The following AK5 variants were observed in gnomAD, a reference collection of about 807,000 sequenced individuals.
The protein encoded by AK5 is adenylate kinase isoenzyme 5.
AK5 carries 27 observed loss-of-function variants against 69.5 expected under a neutral mutation model. The ratio of observed to expected loss-of-function variants is 0.39; its 90% CI spans 0.29 to 0.54. The LOEUF (loss-of-function observed/expected upper bound fraction) is 0.54, where lower values mean the gene tolerates loss of function less well. Ranked by LOEUF, AK5 falls within the 20% of genes least tolerant of loss-of-function variation. AK5 has a pLI of 0.71. For synonymous variants in AK5, 260 were observed against 244.4 expected, an observed-to-expected ratio of 1.06 and a Z score of -0.60; for missense variants, 531 against 700.4, an observed-to-expected ratio of 0.76 and a Z score of 2.73.
At chr1:77,556,744 A>G (rs1002068836) in intron 13 of AK5, among the ~76,000 whole-genome samples, 4 of 152,206 alleles carry the variant, frequency 2.6e-5, no homozygotes, top group Non-Finnish European at 5.9e-5. Context: ...TAGGTAGACA[A>G]GAGTCTCAAA....
At chr1:77,291,686 C>T (rs1429885068) in intron 2 of AK5, among the ~76,000 whole-genome samples, 1 of 152,198 alleles carries the variant, frequency 6.6e-6, no homozygotes, top group Non-Finnish European at 1.5e-5. Flanking sequence ...TTATTGGACA[C>T]TGACCATCTG....
At chr1:77,367,579 A>ATATATATAAT (rs71075732) in intron 6 of AK5, among the ~76,000 whole-genome samples, 1 of 53,364 alleles carries the variant, frequency 1.9e-5, no homozygotes, top group African/African-American at 1.1e-4. Context: ...ATATATATAT[A>ATATATATAAT]ATATATATGT....
chr1:77,456,615 T>A (rs1653501840), intron 8 of AK5, among the ~76,000 whole-genome samples: 1 of 152,192 alleles, frequency 6.6e-6, no homozygotes, highest in East Asian at 1.9e-4. Flanking sequence ...GTTCCAAGTA[T>A]GGAGACCAGC....
chr1:77,379,997 A>G (rs1366593177), intron 6 of AK5, among the ~76,000 whole-genome samples: 1 of 152,228 alleles, frequency 6.6e-6, no homozygotes, highest in Non-Finnish European at 1.5e-5. Context: ...CAAGGAACTC[A>G]TAATTATTAA....
intron 6 of AK5, chr1:77,371,335 A>G (rs987804692): frequency 3.9e-5 from 6 of 152,218 alleles, no homozygotes; most frequent in Admixed American, 3.3e-4. Context: ...TTCTCTATGC[A>G]AGAGGACGAA....
intron 6 of AK5, among the ~76,000 whole-genome samples, chr1:77,374,437 AAGAACCAAG>A (rs1647186595): frequency 1.0e-5 from 1 of 98,376 alleles, no homozygotes; most frequent in African/African-American, 3.5e-5. Context: ...TTTTTTTTTT[AAGAACCAAG>A]AGAAGGAAGC....
chr1:77,370,173 A>C (rs1019605494), intron 6 of AK5, among the ~76,000 whole-genome samples: 1 of 152,068 alleles, frequency 6.6e-6, no homozygotes, highest in Non-Finnish European at 1.5e-5. Flanking sequence ...TTCTGATCCC[A>C]CCCTGCTGGT....
rs560444686 is a variant in AK5 at position 77,345,898 on chromosome 1, A to G, written c.891+5330A>G. Reference sequence around the variant, plus strand: ...CCATGTATAACTTTGAGTCCCCCCAAACAGAACTACTACTAATAGCCTACT... The same window carrying G: ...CCATGTATAACTTTGAGTCCCCCCAGACAGAACTACTACTAATAGCCTACT... On this transcript the variant is annotated intron_variant, in intron 6 of 13. Transcript: ENST00000354567. 5 of 152,288 alleles carry G rather than the reference A, an allele frequency of 3.3e-5. No homozygotes were observed. In the East Asian group the frequency reaches 9.6e-4, roughly 29 times the overall value. 9.4% of individuals were successfully genotyped at this position (152,288 alleles called of 1,614,324 possible). A position where few individuals can be genotyped will look rare whatever the true frequency, so the allele number is the denominator to read the frequency against.
intron 13 of AK5, among the ~76,000 whole-genome samples, chr1:77,558,344 T>C (rs1198074546): frequency 6.6e-6 from 1 of 152,232 alleles, no homozygotes; most frequent in Non-Finnish European, 1.5e-5. Context: ...TATTGCTCCA[T>C]GTCCTCACCA....
intron 13 of AK5, among the ~76,000 whole-genome samples, chr1:77,549,251 T>C (rs1338681401): frequency 6.6e-6 from 1 of 152,242 alleles, no homozygotes; most frequent in Non-Finnish European, 1.5e-5. Flanking sequence ...TTTTATATCA[T>C]GTCTCAGACC....
chr1:77,364,972 G>A (rs949986172), intron 6 of AK5, among the ~76,000 whole-genome samples: 11 of 152,054 alleles, frequency 7.2e-5, no homozygotes, highest in African/African-American at 2.7e-4. Context: ...GGCTGTACTA[G>A]TTTACATTCC....
chr1:77,342,001 C>T (rs1312740050), intron 6 of AK5, among the ~76,000 whole-genome samples: 1 of 152,032 alleles, frequency 6.6e-6, no homozygotes, highest in African/African-American at 2.4e-5. Flanking sequence ...TGGGTTCAAG[C>T]GATTCTCCTA....
At position 77,308,924 on chromosome 1, in the gene AK5, G is replaced by C. The variant is rs572408632; in HGVS notation, c.699+10977G>C. On this transcript the variant is annotated intron_variant, in intron 5 of 13. Transcript: ENST00000354567. ...GCTGAGGCTGCAGTGAGCTGACATG[G>C]TGCCACTGTACTCCAGCCTAGCTGA... Among the ~76,000 whole-genome samples, 198 of 151,860 alleles carry C rather than the reference G, an allele frequency of 1.3e-3. 1 individual carries two copies. The highest frequency in any genetic ancestry group is 2.2e-3 in the Non-Finnish European group (151 of 67,980).
Position 77,309,189 on chromosome 1 carries a change from T to A in AK5, c.699+11242T>A, listed in dbSNP as rs186766341. Among the ~76,000 whole-genome samples the A allele has an allele frequency of 1.1e-3, 173 of 152,024 alleles. 1 individual carries two copies. The East Asian group carries it at 0.021, about 18-fold the overall frequency. On this transcript the variant is annotated intron_variant, in intron 5 of 13. Transcript: ENST00000354567. ...CAAAGTACTGTGGCACACTTTTACCTATGTACCTGTGTAACAAACCTGCAC... is the reference window on the plus strand; with the variant it reads ...CAAAGTACTGTGGCACACTTTTACCAATGTACCTGTGTAACAAACCTGCAC...
In AK5 at chr1:77,323,712, C is replaced by T. The variant is rs181528395; in HGVS notation, c.700-16665C>T. ...TTAACTCAAATATATTCCACTTGAA[C>T]TACCAAATATTCTAATAAATATCAT... On this transcript the variant is annotated intron_variant, in intron 5 of 13. Transcript: ENST00000354567. Among the ~76,000 whole-genome samples, 10 of 152,282 alleles carry T rather than the reference C, an allele frequency of 6.6e-5. No individual in the cohort carries two copies. In the East Asian group the frequency reaches 1.9e-3, roughly 29 times the overall value.
At chr1:77,345,630 G>A (rs1442950725) in intron 6 of AK5, among the ~76,000 whole-genome samples, 1 of 152,294 alleles carries the variant, frequency 6.6e-6, no homozygotes, top group East Asian at 1.9e-4. Context: ...CAGCATCAGT[G>A]CTGGGAAACG....
chr1:77,367,628 G>GTAATATATA (rs1646991941), intron 6 of AK5, among the ~76,000 whole-genome samples: 1 of 41,746 alleles, frequency 2.4e-5, no homozygotes, highest in African/African-American at 7.4e-5. Flanking sequence ...TGTTATATAT[G>GTAATATATA]TAATATATAT....
intron 12 of AK5, 28 bp downstream of exon 12, chr1:77,521,971 A>C (rs2100320847): frequency 6.6e-7 from 1 of 1,523,956 alleles, no homozygotes; most frequent in East Asian, 2.3e-5. Context: ...GCATCCTTCC[A>C]GAAGAAAAAT....
intron 6 of AK5, among the ~76,000 whole-genome samples, chr1:77,354,946 T>C (rs1335136504): frequency 6.6e-6 from 1 of 152,248 alleles, no homozygotes; most frequent in African/African-American, 2.4e-5. Context: ...TTATAAGATA[T>C]GATTTTTCCT....
Sources: allele counts gnomAD v4.1 joint callset (sites outside exome capture counted in the v4.1 genomes callset), GRCh38; gene constraint gnomAD v4.1.1; transcripts MANE v1.5; gene names NCBI Gene and HGNC (gene_info 2026-07-23, HGNC 2026-07-21).